Variants in PPP2R1B observed in about 807,000 individuals in gnomAD.
The protein encoded by PPP2R1B is protein phosphatase 2 scaffold subunit Abeta.
PPP2R1B carries 58 observed loss-of-function variants against 72.7 expected under a neutral mutation model. The observed-to-expected ratio is 0.80, with a 90% CI of 0.65 to 0.99. The LOEUF (loss-of-function observed/expected upper bound fraction) is 0.99, where lower values mean the gene tolerates loss of function less well. Ranked by LOEUF, PPP2R1B falls within the 50% of genes least tolerant of loss-of-function variation. The pLI is 0.00. For missense variants in PPP2R1B, 695 were observed against 733.6 expected, an observed-to-expected ratio of 0.95 and a Z score of 0.61; for synonymous variants, 256 against 264.6, an observed-to-expected ratio of 0.97 and a Z score of 0.32.
At chr11:111,724,137 A>G, downstream of PPP2R1B, 1 of 1,602,740 alleles carries the variant, frequency 6.2e-7, no homozygotes, top group Non-Finnish European at 8.5e-7. Flanking sequence ...TAGTCTCAGC[A>G]CAGGAATTGA....
the PPP2R1B span, among the ~76,000 whole-genome samples, chr11:111,701,828 A>G: frequency 1.3e-5 from 2 of 152,170 alleles, no homozygotes; most frequent in African/African-American, 2.4e-5. This position sits in a 1 kb window ranked among gnomAD's most constrained non-coding sequence, Gnocchi z 4.2. Flanking sequence ...GGGTCTATAA[A>G]TGTCCCAGGT....
At position 111,742,635 on chromosome 11, in the gene PPP2R1B, T is replaced by G; in HGVS notation, c.1585A>C (p.Thr529Pro). Reference protein sequence around the residue: ...ALSEACGQEITTKQMLPIVLK... With the variant: ...ALSEACGQEIPTKQMLPIVLK... ...ACGATGGGCAGCATTTGCTTAGTAG[T>G]TATTTCCTGACCACAGGCCTCAGAC... The change falls in exon 13 of 15, where the codon ACT becomes CCT. Residue 529 changes from threonine (T) to proline (P), a missense_variant. Transcript: ENST00000527614. 1 of 1,613,372 alleles carries G rather than the reference T, an allele frequency of 6.2e-7. No homozygotes were observed. Among genetic ancestry groups the G allele is most frequent in the Non-Finnish European group, 8.5e-7 (1 of 1,179,770 alleles).
Position 111,749,729 on chromosome 11 carries a change from T to C in PPP2R1B, c.1339-1715A>G, listed in dbSNP as rs554326442. 1.2e-4 allele frequency among the ~76,000 whole-genome samples: 19 copies of C among 152,304 alleles called. No homozygotes were observed. In the South Asian group the frequency reaches 3.9e-3, roughly 32 times the overall value. On this transcript the variant is annotated intron_variant, in intron 10 of 14. Coordinates refer to ENST00000527614, the MANE Select transcript of PPP2R1B (RefSeq NM_002716.5). ...ATGAAGAGAAATTAAGGAGAATATA[T>C]ATACTAACAAGAAGTTAAAATTGTA... is the stretch of plus-strand genomic sequence containing the variant.
At position 111,738,841 on chromosome 11, in the gene PPP2R1B, C is replaced by A. The variant is rs1466388763; in HGVS notation, c.*2755G>T. On this transcript the variant is annotated 3_prime_UTR_variant, in exon 15 of 15. Coordinates refer to ENST00000527614, the MANE Select transcript of PPP2R1B (RefSeq NM_002716.5). ...ACAGAGAGAAACACCAAGGTGAATT[C>A]CACTGTTGCTGAGACATTTTTATTG... 1.0e-6 allele frequency: 1 copy of A among 983,814 alleles called. No individual in the cohort carries two copies. Among genetic ancestry groups the A allele is most frequent in the Non-Finnish European group, 1.2e-6 (1 of 829,792 alleles). The allele number at this position is 983,814 out of a possible 1,614,324, so 60.9% of individuals were successfully genotyped here.
At position 111,740,214 on chromosome 11, in the gene PPP2R1B, T is replaced by C. The variant is rs1208247662; in HGVS notation, c.*1382A>G. The C allele has an allele frequency of 1.1e-5, 11 of 985,166 alleles. No individual in the cohort carries two copies. The highest frequency in any genetic ancestry group is 1.3e-5 in the Non-Finnish European group (11 of 829,832). 61.0% of individuals were successfully genotyped at this position (985,166 alleles called of 1,614,324 possible). ...ATGAGACAAGGTGAGTTTGATTATG[T>C]GAAAAATAGTTGTTTTTTTTTGAGA... is the stretch of plus-strand genomic sequence containing the variant. On this transcript the variant is annotated 3_prime_UTR_variant, in exon 15 of 15. Coordinates refer to ENST00000527614, the MANE Select transcript of PPP2R1B (RefSeq NM_002716.5).
chr11:111,726,627 C>T (rs1943976987), downstream of PPP2R1B: 3 of 271,778 alleles, frequency 1.1e-5, no homozygotes, highest in Admixed American at 4.6e-5. Context: ...GGTGTTTGCT[C>T]AGCCCTGTCT....
Position 111,753,487 on chromosome 11 carries a change from T to C in PPP2R1B, c.1120A>G (p.Ile374Val), listed in dbSNP as rs1555048599. ...AAGAAAAGAGGTAGAAGATGTTCAA[T>C]GGTATTTTCTTTGCCCAAAATAGTA... ...LSTILGKENT[I>V]EHLLPLFLAQ... The change falls in exon 9 of 15, where the codon ATT (isoleucine) becomes GTT (valine). Residue 374 changes from isoleucine to valine, a missense_variant. Physicochemically the swap from Ile to Val is conservative, Grantham distance 29. Transcript: ENST00000527614. The C allele has an allele frequency of 6.2e-7, 1 of 1,613,942 alleles. No individual in the cohort carries two copies. Among genetic ancestry groups the C allele is most frequent in the Non-Finnish European group, 8.5e-7 (1 of 1,179,912 alleles).
At chr11:111,726,216 G>A (rs1462187757), downstream of PPP2R1B, 1 of 152,160 alleles carries the variant, frequency 6.6e-6, no homozygotes, top group African/African-American at 2.4e-5. Context: ...ATTGAAAATG[G>A]GGGCCACTCA....
At chr11:111,725,018 C>G (rs1943924009), downstream of PPP2R1B, 1 of 152,592 alleles carries the variant, frequency 6.6e-6, no homozygotes, top group Non-Finnish European at 1.5e-5. Flanking sequence ...CCTGTTGTCT[C>G]TTTTCCGATG....
At chr11:111,726,751 C>T, downstream of PPP2R1B, 1 of 570,490 alleles carries the variant, frequency 1.8e-6, no homozygotes, top group African/African-American at 1.9e-5. Context: ...CGCTCTTTTT[C>T]TGCGGGGCTA....
chr11:111,688,004 A>G, the PPP2R1B span: 2 of 1,614,068 alleles, frequency 1.2e-6, no homozygotes, highest in South Asian at 1.1e-5. The surrounding 1 kb of genome is among the most constrained non-coding windows in gnomAD (Gnocchi z 4.2). Flanking sequence ...TTTACAGACT[A>G]TCTTGCTAAT....
downstream of PPP2R1B, chr11:111,724,261 A>C (rs767943469): frequency 2.3e-5 from 30 of 1,292,384 alleles, no homozygotes; most frequent in Non-Finnish European, 3.0e-5. Context: ...ACCCAACTGG[A>C]ATCAGAGGGT....
intron 10 of PPP2R1B, among the ~76,000 whole-genome samples, chr11:111,749,858 C>G (rs1297760083): frequency 2.6e-5 from 4 of 152,160 alleles, no homozygotes; most frequent in African/African-American, 7.2e-5. Context: ...ATAGAGCTAG[C>G]AACCCTGGGA....
chr11:111,719,076 T>C, the PPP2R1B span, among the ~76,000 whole-genome samples: 5 of 152,336 alleles, frequency 3.3e-5, no homozygotes, highest in African/African-American at 1.2e-4. Flanking sequence ...CAAAATTCAG[T>C]GCACTGGGGC....
the PPP2R1B span, among the ~76,000 whole-genome samples, chr11:111,714,482 C>T: frequency 1.3e-5 from 2 of 152,138 alleles, no homozygotes; most frequent in Non-Finnish European, 2.9e-5. Flanking sequence ...TGCCCCGGTG[C>T]AGGGGAGAAA....
downstream of PPP2R1B, among the ~76,000 whole-genome samples, chr11:111,735,609 G>A (rs943603336): frequency 6.6e-6 from 1 of 152,176 alleles, no homozygotes. Context: ...AGACTTCAAG[G>A]GTGCCAAGGA....
chr11:111,760,025 G>A (rs1278379278), intron 4 of PPP2R1B, 74 bp from the exon 5 acceptor site: 1 of 1,450,632 alleles, frequency 6.9e-7, no homozygotes, highest in African/African-American at 1.4e-5. Flanking sequence ...CACACAGACA[G>A]ACTTTTAGAG....
intron 9 of PPP2R1B, 42 bp from the exon 10 acceptor site, chr11:111,752,374 A>C (rs1555048272): frequency 6.5e-7 from 1 of 1,547,070 alleles, no homozygotes; most frequent in Non-Finnish European, 8.7e-7. Context: ...TTAAAAATCA[A>C]GTACTCTGCC....
chr11:111,742,315 T>TC, intron 13 of PPP2R1B, 171 bp from the exon 14 acceptor site: 2 of 610,308 alleles, frequency 3.3e-6, no homozygotes, highest in Non-Finnish European at 4.9e-6. Flanking sequence ...CAAAATCAGC[T>TC]TCAGACAAGG....
Sources: gnomAD v4.1 joint callset for allele counts (sites outside exome capture counted in the v4.1 genomes callset) on GRCh38, gnomAD v4.1.1 for gene constraint, Gnocchi (gnomAD v3.1) non-coding constraint, MANE v1.5 for transcripts, NCBI Gene and HGNC (gene_info 2026-07-23, HGNC 2026-07-21) for gene names.